LRRC28: variants seen among roughly 807,000 people sequenced by gnomAD.
LRRC28 encodes leucine rich repeat containing 28.
LRRC28 carries 39 observed loss-of-function variants against 45.7 expected under a neutral mutation model. The observed-to-expected ratio is 0.85, with a 90% CI of 0.66 to 1.12. The LOEUF is 1.12. LRRC28 is among the 50% of genes most tolerant of loss of function. LRRC28 has a pLI of 0.00. For missense variants in LRRC28, 435 were observed against 438.5 expected (o/e 0.99, Z 0.07); for synonymous variants, 206 against 178.8 (o/e 1.15, Z -1.22).
intron 1 of LRRC28, among the ~76,000 whole-genome samples, chr15:99,255,420 ATATT>A (rs2080987924): frequency 6.6e-6 from 1 of 152,112 alleles, no homozygotes; most frequent in African/African-American, 2.4e-5. Flanking sequence ...ATATAGGACA[ATATT>A]TATATATTAG....
chr15:99,254,284 T>C (rs1473200398), intron 1 of LRRC28, among the ~76,000 whole-genome samples: 1 of 152,230 alleles, frequency 6.6e-6, no homozygotes, highest in African/African-American at 2.4e-5. Flanking sequence ...TTACGTTGCT[T>C]TGGAAATAGT....
chr15:99,333,819 C>T (rs1356086292), intron 5 of LRRC28, 104 bp from the exon 6 acceptor site: 6 of 1,162,048 alleles, frequency 5.2e-6, no homozygotes, highest in African/African-American at 4.6e-5. Flanking sequence ...TGGGAATAGT[C>T]GCAGCTACTG....
intron 5 of LRRC28, among the ~76,000 whole-genome samples, chr15:99,329,503 T>C (rs1363257159): frequency 6.6e-6 from 1 of 152,202 alleles, no homozygotes; most frequent in Non-Finnish European, 1.5e-5. Context: ...AGGTATAAAT[T>C]GTGTAAAAAT....
At chr15:99,252,602 A>G (rs1017548915) in intron 1 of LRRC28, among the ~76,000 whole-genome samples, 1 of 152,202 alleles carries the variant, frequency 6.6e-6, no homozygotes, top group African/African-American at 2.4e-5. Context: ...TCCTCTACAA[A>G]ACGGGCTACA....
At chr15:99,255,397 GA>G (rs1434859643) in intron 1 of LRRC28, among the ~76,000 whole-genome samples, 2 of 151,550 alleles carry the variant, frequency 1.3e-5, no homozygotes, top group African/African-American at 4.8e-5. Context: ...AAGAGATAAA[GA>G]AAAAAATCAG....
chr15:99,283,173 G>A (rs371689334), intron 3 of LRRC28, among the ~76,000 whole-genome samples: 1 of 151,928 alleles, frequency 6.6e-6, no homozygotes, highest in African/African-American at 2.4e-5. Context: ...GATTACAGGC[G>A]TGAGCCACCA....
intron 5 of LRRC28, among the ~76,000 whole-genome samples, chr15:99,293,274 ATAT>A (rs2082172587): frequency 1.3e-5 from 2 of 152,058 alleles, no homozygotes; most frequent in Admixed American, 6.6e-5. Context: ...CCATTAGATA[ATAT>A]TATTTTTGCA....
At chr15:99,263,958 A>G (rs2081268221) in intron 2 of LRRC28, among the ~76,000 whole-genome samples, 2 of 152,218 alleles carry the variant, frequency 1.3e-5, no homozygotes, top group Admixed American at 6.5e-5. Flanking sequence ...ACAAGTCTAC[A>G]AAGCTGTTCT....
chr15:99,304,909 A>G (rs11853278), intron 5 of LRRC28, among the ~76,000 whole-genome samples: 60,849 of 152,104 alleles, frequency 0.4, 12,884 homozygotes, highest in African/African-American at 0.55. Flanking sequence ...GTAAAAATAC[A>G]GCTTTAGCCT....
intron 6 of LRRC28, among the ~76,000 whole-genome samples, chr15:99,346,163 T>C (rs1956675183): frequency 6.8e-6 from 1 of 146,508 alleles, no homozygotes; most frequent in Admixed American, 6.7e-5. Flanking sequence ...CATTTGTTCA[T>C]TCATTCATTC....
At position 99,357,378 on chromosome 15, in the gene LRRC28, C is replaced by T. The variant is rs1004619475; in HGVS notation, c.696-3958C>T. ...GTAGTAGCTCCACACTACAAACAGC[C>T]CAAATGTCCATCATTACTGCACAGC... On this transcript the variant is annotated intron_variant, in intron 7 of 9. Coordinates refer to ENST00000301981, the MANE Select transcript of LRRC28 (RefSeq NM_144598.5). 2.6e-5 allele frequency among the ~76,000 whole-genome samples: 4 copies of T among 152,230 alleles called. No homozygotes were observed. The East Asian group carries it at 7.7e-4, about 29-fold the overall frequency.
chr15:99,350,188 A>G (rs1956833304), intron 6 of LRRC28, among the ~76,000 whole-genome samples: 1 of 152,042 alleles, frequency 6.6e-6, no homozygotes, highest in South Asian at 2.1e-4. Flanking sequence ...CAATGTCAAG[A>G]TACCTTTTCT....
intron 5 of LRRC28, among the ~76,000 whole-genome samples, chr15:99,310,498 C>T (rs547719586): frequency 2.0e-5 from 3 of 152,260 alleles, no homozygotes; most frequent in East Asian, 3.9e-4. Flanking sequence ...AGAAGTGAGA[C>T]AAGCAGACAT....
intron 9 of LRRC28, among the ~76,000 whole-genome samples, chr15:99,370,547 A>G (rs1451242487): frequency 6.6e-6 from 1 of 152,176 alleles, no homozygotes; most frequent in African/African-American, 2.4e-5. Context: ...TCAACTCCAT[A>G]TACTTGGGAT....
chr15:99,369,260 A>C (rs1957417795), intron 9 of LRRC28, among the ~76,000 whole-genome samples: 1 of 151,682 alleles, frequency 6.6e-6, no homozygotes, highest in Non-Finnish European at 1.5e-5. Flanking sequence ...CTTTTCTATC[A>C]CTCACCTCAA....
chr15:99,331,690 C>T (rs1956163716), intron 5 of LRRC28, among the ~76,000 whole-genome samples: 2 of 152,122 alleles, frequency 1.3e-5, no homozygotes, highest in Admixed American at 6.6e-5. Context: ...CAAGCTCTCT[C>T]TCTCTCTCTC....
At chr15:99,307,747 T>G (rs952505256) in intron 5 of LRRC28, among the ~76,000 whole-genome samples, 2 of 152,192 alleles carry the variant, frequency 1.3e-5, no homozygotes, top group Admixed American at 6.5e-5. Flanking sequence ...CTTCCAACAC[T>G]CATCTCAGTT....
intron 9 of LRRC28, among the ~76,000 whole-genome samples, chr15:99,385,773 T>C (rs1957967186): frequency 6.6e-6 from 1 of 151,760 alleles, no homozygotes; most frequent in Non-Finnish European, 1.5e-5. Context: ...TAGTTTCTAC[T>C]TTAGGGATAA....
At chr15:99,254,347 GGAATTAGA>G (rs770225541) in intron 1 of LRRC28, among the ~76,000 whole-genome samples, 70 of 152,276 alleles carry the variant, frequency 4.6e-4, no homozygotes, top group Non-Finnish European at 7.9e-4. Context: ...TCATTAGCCA[GGAATTAGA>G]ATTTGAAAAT....
Sources: allele counts gnomAD v4.1 joint callset (sites outside exome capture counted in the v4.1 genomes callset), GRCh38; gene constraint gnomAD v4.1.1; transcripts MANE v1.5; gene names NCBI Gene and HGNC (gene_info 2026-07-23, HGNC 2026-07-21).